Variants in SRP54 observed in about 807,000 individuals in gnomAD.
SRP54 encodes signal recognition particle subunit SRP54.
A neutral mutation model predicts 64.8 loss-of-function variants in SRP54; 10 were observed. The ratio of observed to expected loss-of-function variants is 0.15; its 90% CI spans 0.10 to 0.26. The LOEUF (loss-of-function observed/expected upper bound fraction) is 0.26. SRP54 is among the 10% of genes least tolerant of loss of function. SRP54 has a pLI of 1.00. For missense variants in SRP54, 325 were observed against 613.7 expected (o/e 0.53, Z 4.97); for synonymous variants, 193 against 185.6 (o/e 1.04, Z -0.32).
rs775688275 is a variant in SRP54, at chr14:35,008,650, A to G, written c.384A>G (p.Lys128=). Reference sequence around the variant, plus strand: ...AGCTAGCATATTATTACCAGAGGAAAGGTTGGAAGACCTGTTTAATATGTG... The same window carrying G: ...AGCTAGCATATTATTACCAGAGGAAGGGTTGGAAGACCTGTTTAATATGTG... ...CSKLAYYYQR[K]GWKTCLICAD... The change falls in exon 6 of 16, where the codon AAA becomes AAG. Residue 128 remains lysine, a synonymous_variant. Transcript: ENST00000216774. 1.3e-6 allele frequency: 2 copies of G among 1,587,026 alleles called. No individual in the cohort carries two copies. The highest frequency in any genetic ancestry group is 1.2e-5 in the South Asian group (1 of 84,136).
intron 14 of SRP54, 65 bp downstream of exon 14, chr14:35,023,145 G>C: frequency 7.2e-7 from 1 of 1,381,616 alleles, no homozygotes. Flanking sequence ...AAAAAAGAGT[G>C]CTGCCAGTAT....
At position 35,019,144 on chromosome 14, in the gene SRP54, T is replaced by C; in HGVS notation, c.1156+70T>C. 3 of 1,090,442 alleles carry C rather than the reference T, an allele frequency of 2.8e-6. No individual in the cohort carries two copies. In the South Asian group the frequency reaches 4.0e-5, roughly 15 times the overall value. The allele number at this position is 1,090,442 out of a possible 1,614,324, so 67.5% of individuals were successfully genotyped here. On this transcript the variant is annotated intron_variant, in intron 13 of 15. Coordinates refer to ENST00000216774, the MANE Select transcript of SRP54 (RefSeq NM_003136.4). The stretch of plus-strand genomic sequence containing the variant: ...TCAGTAAGATGAGAGTTTCACTGTA[T>C]TCTTGTGGACAAGATGGGGAGAAAT...
chr14:34,989,373 G>T (rs1049292036), intron 1 of SRP54, among the ~76,000 whole-genome samples: 1 of 152,058 alleles, frequency 6.6e-6, no homozygotes, highest in Non-Finnish European at 1.5e-5. Context: ...TGGGCGTGGT[G>T]GTGGGCACCT....
intron 1 of SRP54, 148 bp downstream of exon 1, chr14:34,983,363 T>TCG (rs2043838174): frequency 9.0e-6 from 1 of 110,504 alleles, no homozygotes; most frequent in Admixed American, 8.7e-5. Flanking sequence ...TGGCTCTTTA[T>TCG]CTCGTCTTCC....
At chr14:34,984,971 T>C (rs2043871377) in intron 1 of SRP54, among the ~76,000 whole-genome samples, 1 of 151,988 alleles carries the variant, frequency 6.6e-6, no homozygotes, top group Admixed American at 6.6e-5. Flanking sequence ...AAGCAGTGAT[T>C]GTCAGTGCGT....
At chr14:35,006,448 A>G (rs971786712) in intron 4 of SRP54, among the ~76,000 whole-genome samples, 4 of 152,240 alleles carry the variant, frequency 2.6e-5, no homozygotes, top group South Asian at 2.1e-4. Flanking sequence ...TGTGTTTTAC[A>G]TATAAAATAC....
Position 35,001,121 on chromosome 14 carries a change from A to C in SRP54, c.255+101A>C, listed in dbSNP as rs1440407146. ...AATTTTTAAATATGTTTTTTATGGA[A>C]TATTCATCTGTATTAAAATATTAAT... On this transcript the variant is annotated intron_variant, in intron 4 of 15. Coordinates refer to ENST00000216774, the MANE Select transcript of SRP54 (RefSeq NM_003136.4). 14 of 440,902 alleles carry C rather than the reference A, an allele frequency of 3.2e-5. No individual in the cohort carries two copies. In the East Asian group the frequency reaches 5.2e-4, roughly 16 times the overall value. 27.3% of individuals were successfully genotyped at this position (440,902 alleles called of 1,614,324 possible).
chr14:34,985,568 A>G (rs1174942883), intron 1 of SRP54, among the ~76,000 whole-genome samples: 2 of 152,336 alleles, frequency 1.3e-5, no homozygotes, highest in South Asian at 2.1e-4. Context: ...TAGTGCATGT[A>G]GTGTCCTGGC....
In SRP54 at chr14:35,028,186, A is replaced by ATT. The variant is rs2044665463; in HGVS notation, c.1423+3_1423+4insTT. The ATT allele has an allele frequency of 1.3e-6, 2 of 1,594,146 alleles. No individual in the cohort carries two copies. Among genetic ancestry groups the ATT allele is most frequent in the Non-Finnish European group, 1.7e-6 (2 of 1,167,920 alleles). On this transcript the variant is annotated splice_donor_region_variant and intron_variant, in intron 15 of 15. Coordinates refer to ENST00000216774, the MANE Select transcript of SRP54 (RefSeq NM_003136.4). ...TCCTAGGGTTCTTCATCACATGGGT[A>ATT]AATACCAAGTTGTTGGCAGTTGCTA...
intron 13 of SRP54, 112 bp from the exon 14 acceptor site, chr14:35,022,798 T>C (rs2044555374): frequency 2.7e-6 from 2 of 750,964 alleles, no homozygotes; most frequent in Non-Finnish European, 3.9e-6. Flanking sequence ...GAGATAGTTA[T>C]CACTTTAAAA....
chr14:35,012,941 G>GTTT lies in SRP54; in HGVS notation c.637-388_637-386dup, dbSNP rs761844773. ...AATTATTTATAGTGTAAATGTTGTA[G>GTTT]TTTTTTTTTTTTTTTTTTTGAGATG... On this transcript the variant is annotated intron_variant, in intron 8 of 15. Transcript: ENST00000216774. Among the ~76,000 whole-genome samples the GTTT allele has an allele frequency of 4.2e-3, 500 of 118,372 alleles. 19 individuals carry two copies. The highest frequency in any genetic ancestry group is 0.017 in the East Asian group (68 of 4,048). 77.7% of individuals were successfully genotyped at this position (118,372 alleles called of 152,430 possible). A position where few individuals can be genotyped will look rare whatever the true frequency, so the allele number is the denominator to read the frequency against.
At chr14:35,020,927 C>T (rs963637697) in intron 13 of SRP54, among the ~76,000 whole-genome samples, 1 of 152,158 alleles carries the variant, frequency 6.6e-6, no homozygotes, top group African/African-American at 2.4e-5. Flanking sequence ...TTTGAATTAA[C>T]GCCCCTTCCT....
At chr14:34,998,821 CAA>C (rs1172170156) in intron 2 of SRP54, among the ~76,000 whole-genome samples, 2 of 129,100 alleles carry the variant, frequency 1.5e-5, no homozygotes, top group African/African-American at 2.9e-5. Context: ...AACTCTGTTC[CAA>C]AAAAAAAAAA....
At chr14:35,020,915 T>TC (rs559005622) in intron 13 of SRP54, among the ~76,000 whole-genome samples, 10 of 152,214 alleles carry the variant, frequency 6.6e-5, no homozygotes, top group Non-Finnish European at 1.3e-4. Flanking sequence ...CTTCCTTCCT[T>TC]CTTTGAATTA....
At chr14:34,998,641 A>G (rs1362995663) in intron 2 of SRP54, among the ~76,000 whole-genome samples, 5 of 151,842 alleles carry the variant, frequency 3.3e-5, no homozygotes, top group African/African-American at 9.7e-5. Context: ...GTGAAACTCC[A>G]TCTCTACTAA....
intron 8 of SRP54, among the ~76,000 whole-genome samples, chr14:35,012,536 C>T (rs1027303317): frequency 6.6e-6 from 1 of 152,108 alleles, no homozygotes; most frequent in Non-Finnish European, 1.5e-5. Context: ...AGGGAAGTAG[C>T]CTCAAGTATA....
At chr14:35,026,135 A>C (rs1049693948) in intron 14 of SRP54, among the ~76,000 whole-genome samples, 1 of 136,744 alleles carries the variant, frequency 7.3e-6, no homozygotes, top group Non-Finnish European at 1.6e-5. Context: ...TTATGAGTAC[A>C]GCTGTTGTCT....
intron 4 of SRP54, among the ~76,000 whole-genome samples, chr14:35,005,926 G>T (rs10130509): frequency 6.6e-6 from 1 of 151,784 alleles, no homozygotes; most frequent in East Asian, 1.9e-4. Flanking sequence ...TGCAAGCTCC[G>T]CCACCCGGGT....
chr14:34,999,853 T>A, intron 3 of SRP54: 1 of 374,652 alleles, frequency 2.7e-6, no homozygotes, highest in Non-Finnish European at 4.8e-6. Flanking sequence ...TACATGTGAT[T>A]TTCATTTAAT....
Sources: allele counts gnomAD v4.1 joint callset (sites outside exome capture counted in the v4.1 genomes callset), GRCh38; gene constraint gnomAD v4.1.1; transcripts MANE v1.5; gene names NCBI Gene and HGNC (gene_info 2026-07-23, HGNC 2026-07-21).